Variants in EXOSC5 observed in about 807,000 individuals in gnomAD.
The protein encoded by EXOSC5 is exosome component 5.
A neutral mutation model predicts 23.7 loss-of-function variants in EXOSC5; 15 were observed. That is an observed-to-expected ratio of 0.63 (90% CI 0.42 to 0.97). The LOEUF (loss-of-function observed/expected upper bound fraction) is 0.97, where lower values mean the gene tolerates loss of function less well. EXOSC5 is among the 50% of genes least tolerant of loss of function. EXOSC5 has a pLI of 0.00. For missense variants in EXOSC5, 305 were observed against 316.3 expected, an observed-to-expected ratio of 0.96 and a Z score of 0.27; for synonymous variants, 143 against 140.9, an observed-to-expected ratio of 1.02 and a Z score of -0.11.
chr19:41,389,431 A>C, intron 4 of EXOSC5, among the ~76,000 whole-genome samples: 1 of 151,644 alleles, frequency 6.6e-6, no homozygotes, highest in East Asian at 1.9e-4. Context: ...ACACCTGGCT[A>C]ATTTTGTATT....
chr19:41,391,641 C>T (rs770837598), intron 3 of EXOSC5, 200 bp downstream of exon 3: 67 of 594,372 alleles, frequency 1.1e-4, no homozygotes, highest in Middle Eastern at 4.5e-4. Flanking sequence ...TGCTATATTA[C>T]ATGAGTTAAT....
intron 1 of EXOSC5, among the ~76,000 whole-genome samples, chr19:41,393,935 C>T (rs191119683): frequency 5.9e-4 from 90 of 152,272 alleles, no homozygotes; most frequent in Admixed American, 8.5e-4. Context: ...ACTTCTCTTT[C>T]CAAAGCTTCC....
rs145425260 is a variant in EXOSC5 at position 41,388,724 on chromosome 19, T to C, written c.525+1041A>G. Among the ~76,000 whole-genome samples the C allele has an allele frequency of 2.4e-4, 37 of 152,296 alleles. 1 individual carries two copies. In the East Asian group the frequency reaches 6.9e-3, roughly 29 times the overall value. ...TGACTAGAGGGGACCATTATAGCAC[T>C]GGGCAGAAAACTCAGAATAACTTGA... is the stretch of plus-strand genomic sequence containing the variant. On this transcript the variant is annotated intron_variant, in intron 4 of 5. Coordinates refer to ENST00000221233, the MANE Select transcript of EXOSC5 (RefSeq NM_020158.4).
chr19:41,389,616 T>G (rs1240488480), intron 4 of EXOSC5, 149 bp downstream of exon 4: 2 of 1,223,506 alleles, frequency 1.6e-6, no homozygotes. Flanking sequence ...CAGCACTTGC[T>G]GCTAAATGAA....
At chr19:41,392,477 G>A (rs1011086917) in intron 2 of EXOSC5, among the ~76,000 whole-genome samples, 10 of 152,140 alleles carry the variant, frequency 6.6e-5, no homozygotes, top group East Asian at 1.9e-4. Context: ...CCAGCGACTC[G>A]GGAGGCTGAG....
At position 41,395,960 on chromosome 19, in the gene EXOSC5, G is replaced by GT. The variant is rs372275346; in HGVS notation, c.148+1220dup. On this transcript the variant is annotated intron_variant, in intron 1 of 5. Transcript: ENST00000221233. ...TCCTCGCACTCAAACCAAACTATAC[G>GT]TAAGTTTTGTCCGTATTACTTTCAA... Among the ~76,000 whole-genome samples, 225 of 152,138 alleles carry GT rather than the reference G, an allele frequency of 1.5e-3. 2 individuals are homozygous for GT. The highest frequency in any genetic ancestry group is 5.2e-3 in the African/African-American group (217 of 41,498).
chr19:41,386,604 A>G lies in EXOSC5; in HGVS notation c.*29T>C, dbSNP rs2038985753. ...TGTAGGGGGTGAGTGGGTGGAGGCA[A>G]TGGGAGCGGCCCCTTGCCCCAGCTT... On this transcript the variant is annotated 3_prime_UTR_variant, in exon 6 of 6. Coordinates refer to ENST00000221233, the MANE Select transcript of EXOSC5 (RefSeq NM_020158.4). 1.3e-6 allele frequency: 2 copies of G among 1,556,746 alleles called. No individual in the cohort carries two copies. Among genetic ancestry groups the G allele is most frequent in the South Asian group, 2.4e-5 (2 of 84,590 alleles).
At chr19:41,389,587 C>T (rs1333539554) in intron 4 of EXOSC5, among the ~76,000 whole-genome samples, 178 bp downstream of exon 4, 4 of 152,224 alleles carry the variant, frequency 2.6e-5, no homozygotes, top group Non-Finnish European at 5.9e-5. Context: ...CCTAATTAAG[C>T]AAGTCTGAGC....
At position 41,386,663 on chromosome 19, in the gene EXOSC5, T is replaced by TC. The variant is rs1555762456; in HGVS notation, c.677_678insG (p.Ser227IlefsTer41). On this transcript the variant is annotated frameshift_variant, in exon 6 of 6. Coordinates refer to ENST00000221233, the MANE Select transcript of EXOSC5 (RefSeq NM_020158.4). LOFTEE classifies it high-confidence loss of function. ...TCTTGGAGTAACGCCTCTGCAGCGATTCCCGGTAGAAACGGAAGACGTGTT... is the reference window on the plus strand; with the variant it reads ...TCTTGGAGTAACGCCTCTGCAGCGATCTCCCGGTAGAAACGGAAGACGTGTT... The TC allele has an allele frequency of 6.2e-7, 1 of 1,601,344 alleles. No homozygotes were observed. Among genetic ancestry groups the TC allele is most frequent in the African/African-American group, 1.3e-5 (1 of 74,876 alleles).
At chr19:41,391,624 G>A (rs1805637417) in intron 3 of EXOSC5, 1 of 512,772 alleles carries the variant, frequency 2.0e-6, no homozygotes, top group Non-Finnish European at 3.2e-6. Context: ...GGGATCATAA[G>A]GGCATGTGCT....
intron 3 of EXOSC5, among the ~76,000 whole-genome samples, chr19:41,391,149 G>A (rs1223868989): frequency 2.6e-5 from 4 of 152,270 alleles, no homozygotes; most frequent in African/African-American, 7.2e-5. Context: ...CTGATCACTC[G>A]AGGTCAGGAG....
intron 1 of EXOSC5, among the ~76,000 whole-genome samples, chr19:41,393,758 C>T (rs1312508216): frequency 1.3e-5 from 2 of 151,832 alleles, no homozygotes; most frequent in East Asian, 3.9e-4. Context: ...CTGGGTTTCA[C>T]CATGTTGGTC....
Position 41,397,216 on chromosome 19 carries a change from AGCAGGTTCTGTTC to A in EXOSC5, c.100_112del (p.Glu34CysfsTer27). The A allele has an allele frequency of 6.2e-7, 1 of 1,614,232 alleles. No individual in the cohort carries two copies. The highest frequency in any genetic ancestry group is 8.5e-7 in the Non-Finnish European group (1 of 1,180,008). Reference sequence around the variant, plus strand: ...GGAAGCAGAGCCATCTGGCCGCGACAGCAGGTTCTGTTCGCAGGCAAAGTGCCGGAGGCTGCAG... The same window carrying A: ...GGAAGCAGAGCCATCTGGCCGCGACAGCAGGCAAAGTGCCGGAGGCTGCAG... On this transcript the variant is annotated frameshift_variant, in exon 1 of 6. Coordinates refer to ENST00000221233, the MANE Select transcript of EXOSC5 (RefSeq NM_020158.4). LOFTEE classifies it high-confidence loss of function.
rs962700717 is a variant in EXOSC5 at position 41,391,765 on chromosome 19, G to GT, written c.384+75dup. ...GTGTTTGAAGGCTTTCTGGCTAGCA[G>GT]TGAGGGTATATGTATCCGCCAGGAG... On this transcript the variant is annotated intron_variant, in intron 3 of 5. Transcript: ENST00000221233. 2.5e-5 allele frequency: 36 copies of GT among 1,442,318 alleles called. No individual in the cohort carries two copies. In the Admixed American group the frequency reaches 9.6e-4, roughly 39 times the overall value. 89.3% of individuals were successfully genotyped at this position (1,442,318 alleles called of 1,614,324 possible). A position where few individuals can be genotyped will look rare whatever the true frequency, so the allele number is the denominator to read the frequency against.
intron 4 of EXOSC5, among the ~76,000 whole-genome samples, chr19:41,387,820 G>C (rs1021067429): frequency 6.6e-6 from 1 of 151,902 alleles, no homozygotes; most frequent in Non-Finnish European, 1.5e-5. Flanking sequence ...AGGTAGCTGG[G>C]TGTGGGGGTG....
chr19:41,393,612 T>C (rs897863087), intron 1 of EXOSC5, among the ~76,000 whole-genome samples: 2 of 150,226 alleles, frequency 1.3e-5, no homozygotes, highest in Non-Finnish European at 3.0e-5. Context: ...CAGGCTGGAG[T>C]GCAGTGGCGT....
At chr19:41,391,120 T>G (rs903599865) in intron 3 of EXOSC5, among the ~76,000 whole-genome samples, 1 of 152,102 alleles carries the variant, frequency 6.6e-6, no homozygotes, top group African/African-American at 2.4e-5. Context: ...ACCCCAGCAC[T>G]TTGGGAGGCC....
chr19:41,395,571 C>T (rs1372193989), intron 1 of EXOSC5, among the ~76,000 whole-genome samples: 1 of 152,198 alleles, frequency 6.6e-6, no homozygotes, highest in Non-Finnish European at 1.5e-5. Flanking sequence ...AATGATCAAC[C>T]CTCCCATGAC....
chr19:41,394,777 G>A (rs562236510), intron 1 of EXOSC5, among the ~76,000 whole-genome samples: 8 of 152,214 alleles, frequency 5.3e-5, no homozygotes, highest in Non-Finnish European at 8.8e-5. Flanking sequence ...GCTCACGCCT[G>A]TAATCCCAGC....
Sources: gnomAD v4.1 joint callset for allele counts (sites outside exome capture counted in the v4.1 genomes callset) on GRCh38, gnomAD v4.1.1 for gene constraint, MANE v1.5 for transcripts, NCBI Gene and HGNC (gene_info 2026-07-23, HGNC 2026-07-21) for gene names.